TRHDE: variants seen among roughly 807,000 people sequenced by gnomAD.
The protein encoded by TRHDE is thyrotropin-releasing hormone-degrading ectoenzyme.
TRHDE carries 72 observed loss-of-function variants against 125.7 expected under a neutral mutation model. The observed-to-expected ratio is 0.57, with a 90% confidence interval of 0.47 to 0.70. TRHDE has a LOEUF of 0.70. Among genes scored for constraint, TRHDE ranks in the 30% least tolerant of loss-of-function variants. The pLI is 0.00. For synonymous variants in TRHDE, 509 were observed against 509.1 expected, an observed-to-expected ratio of 1.00 and a Z score of 0.00; for missense variants, 1,110 against 1,327.1, an observed-to-expected ratio of 0.84 and a Z score of 2.54.
At chr12:72,480,885 C>A (rs1010209595) in intron 5 of TRHDE, among the ~76,000 whole-genome samples, 9 of 152,054 alleles carry the variant, frequency 5.9e-5, no homozygotes, top group Admixed American at 5.9e-4. Flanking sequence ...TATTATTATT[C>A]TCAAATATAT....
At chr12:72,242,511 A>C (rs1291073461) in intron 2 of TRHDE, among the ~76,000 whole-genome samples, 2 of 152,146 alleles carry the variant, frequency 1.3e-5, no homozygotes, top group Non-Finnish European at 2.9e-5. Flanking sequence ...TATTTTGGAC[A>C]AGCCCTCTGT....
intron 2 of TRHDE, among the ~76,000 whole-genome samples, chr12:72,130,145 C>T (rs1875827307): frequency 6.6e-6 from 1 of 151,798 alleles, no homozygotes; most frequent in South Asian, 2.1e-4. Flanking sequence ...ACTAAAAATA[C>T]AAAAATTAGC....
chr12:72,453,879 A>G (rs1439322897), intron 3 of TRHDE, among the ~76,000 whole-genome samples: 1 of 152,148 alleles, frequency 6.6e-6, no homozygotes, highest in African/African-American at 2.4e-5. Context: ...GTTGTGTTAA[A>G]CCTGTGGGTG....
At chr12:72,462,835 C>T (rs570472934) in intron 3 of TRHDE, among the ~76,000 whole-genome samples, 1 of 152,162 alleles carries the variant, frequency 6.6e-6, no homozygotes, top group African/African-American at 2.4e-5. Flanking sequence ...GCCCCCTGCC[C>T]TACCTGCACT....
At chr12:72,603,968 G>C (rs1471853201) in intron 12 of TRHDE, among the ~76,000 whole-genome samples, 3 of 152,142 alleles carry the variant, frequency 2.0e-5, no homozygotes, top group African/African-American at 7.2e-5. Flanking sequence ...AGAATACAAA[G>C]TATTGTATGT....
chr12:72,194,067 G>T (rs1479863602), intron 2 of TRHDE, among the ~76,000 whole-genome samples: 1 of 151,946 alleles, frequency 6.6e-6, no homozygotes, highest in Non-Finnish European at 1.5e-5. Flanking sequence ...TAAATAATTT[G>T]ATAAACACCC....
rs555133730 is a variant in TRHDE, at chr12:72,604,666, AC to A, written c.2322-14224del. Among the ~76,000 whole-genome samples, 334 of 152,022 alleles carry A rather than the reference AC, an allele frequency of 2.2e-3. 1 individual carries two copies. Among genetic ancestry groups the A allele is most frequent in the African/African-American group, 7.1e-3 (294 of 41,508 alleles). ...TTCTTATTTTGTCACTTTATTTTGCACTCACATTTTGGAATAATATTAATAT... is the reference window on the plus strand; with the variant it reads ...TTCTTATTTTGTCACTTTATTTTGCATCACATTTTGGAATAATATTAATAT... On this transcript the variant is annotated intron_variant, in intron 12 of 18. Transcript: ENST00000261180.
chr12:72,120,934 T>C (rs1271427324), intron 2 of TRHDE, among the ~76,000 whole-genome samples: 1 of 152,194 alleles, frequency 6.6e-6, no homozygotes, highest in African/African-American at 2.4e-5. Flanking sequence ...CCACTCAGCC[T>C]CCCAAAGTGC....
intron 12 of TRHDE, 92 bp from the exon 13 acceptor site, chr12:72,618,799 T>C (rs1239147481): frequency 1.8e-4 from 181 of 1,026,422 alleles, no homozygotes; most frequent in Non-Finnish European, 8.2e-6. Context: ...TTCTTTATAC[T>C]ATGATGAATT....
At chr12:72,424,930 CTAAAA>C (rs375637471) in intron 3 of TRHDE, among the ~76,000 whole-genome samples, 94 of 151,832 alleles carry the variant, frequency 6.2e-4, no homozygotes, top group African/African-American at 2.2e-3. Context: ...TACTTTGAAA[CTAAAA>C]TAAAACTGAA....
intron 2 of TRHDE, among the ~76,000 whole-genome samples, chr12:72,146,284 T>C (rs962000104): frequency 2.0e-5 from 3 of 152,226 alleles, no homozygotes; most frequent in African/African-American, 7.2e-5. Context: ...TCTTAGACTA[T>C]ATTAATAAGC....
At chr12:72,549,963 A>G (rs1869599512) in intron 7 of TRHDE, among the ~76,000 whole-genome samples, 2 of 151,850 alleles carry the variant, frequency 1.3e-5, no homozygotes, top group African/African-American at 4.8e-5. Flanking sequence ...GTATTTTTAG[A>G]GATATATATC....
At chr12:72,357,977 A>G (rs1404492780) in intron 2 of TRHDE, among the ~76,000 whole-genome samples, 1 of 151,616 alleles carries the variant, frequency 6.6e-6, no homozygotes, top group Non-Finnish European at 1.5e-5. Context: ...AAAAAATTCT[A>G]AATAATTTAT....
intron 2 of TRHDE, among the ~76,000 whole-genome samples, chr12:72,114,276 A>C (rs971485666): frequency 3.3e-5 from 5 of 152,048 alleles, no homozygotes; most frequent in Non-Finnish European, 7.3e-5. Context: ...GCAACAACTG[A>C]GGTGTTAGAT....
intron 2 of TRHDE, among the ~76,000 whole-genome samples, chr12:72,198,575 CT>C (rs1448908897): frequency 2.0e-5 from 3 of 152,060 alleles, no homozygotes; most frequent in African/African-American, 7.2e-5. Flanking sequence ...TTATAGTGAA[CT>C]TTTGTTTTGT....
intron 2 of TRHDE, among the ~76,000 whole-genome samples, chr12:72,330,254 T>C (rs12831974): frequency 0.15 from 22,511 of 151,188 alleles, 2,003 homozygotes; most frequent in East Asian, 0.48. Flanking sequence ...GTTCTGCTGT[T>C]AAGGAAACAA....
chr12:72,413,218 A>T (rs142978302), intron 3 of TRHDE, among the ~76,000 whole-genome samples: 67 of 152,046 alleles, frequency 4.4e-4, no homozygotes, highest in Non-Finnish European at 7.7e-4. Context: ...TAATTTTTTT[A>T]AAAAAATTCT....
At chr12:72,222,791 A>G (rs1878027866) in intron 2 of TRHDE, among the ~76,000 whole-genome samples, 1 of 152,102 alleles carries the variant, frequency 6.6e-6, no homozygotes, top group African/African-American at 2.4e-5. Context: ...TAAGGAGAAT[A>G]GGAGAAATTT....
intron 15 of TRHDE, among the ~76,000 whole-genome samples, chr12:72,649,985 A>G (rs1437243735): frequency 2.6e-5 from 4 of 152,126 alleles, no homozygotes; most frequent in African/African-American, 4.8e-5. Flanking sequence ...TTCTCAAAAA[A>G]CTAAAAATAG....
Sources: gnomAD v4.1 joint callset for allele counts (sites outside exome capture counted in the v4.1 genomes callset) on GRCh38, gnomAD v4.1.1 for gene constraint, MANE v1.5 for transcripts, NCBI Gene and HGNC (gene_info 2026-07-23, HGNC 2026-07-21) for gene names.